RCAN2: variants seen among roughly 807,000 people sequenced by gnomAD.
RCAN2 encodes calcipressin-2.
In RCAN2, 9 loss-of-function variants were observed where a neutral mutation model predicts 23.6. The ratio of observed to expected loss-of-function variants is 0.38; its 90% confidence interval spans 0.23 to 0.67. RCAN2 has a LOEUF of 0.67. RCAN2 is among the 30% of genes least tolerant of loss of function. RCAN2 has a pLI of 0.51. For missense variants in RCAN2, 273 were observed against 302.3 expected (o/e 0.90, Z 0.72); for synonymous variants, 109 against 115.7 (o/e 0.94, Z 0.37).
chr6:46,305,758 G>A (rs1763043979), intron 2 of RCAN2, among the ~76,000 whole-genome samples: 1 of 151,936 alleles, frequency 6.6e-6, no homozygotes. Context: ...GCTGGAGGGG[G>A]ACCAAGACCA....
intron 2 of RCAN2, among the ~76,000 whole-genome samples, chr6:46,277,272 C>T (rs561006552): frequency 6.6e-6 from 1 of 152,292 alleles, no homozygotes; most frequent in South Asian, 2.1e-4. Context: ...TGTTAATTTT[C>T]CTATTAGGAA....
At chr6:46,267,088 T>C (rs1292749915) in intron 2 of RCAN2, among the ~76,000 whole-genome samples, 1 of 152,224 alleles carries the variant, frequency 6.6e-6, no homozygotes, top group Non-Finnish European at 1.5e-5. Context: ...AACCCAATTT[T>C]TTAATTTCAT....
chr6:46,223,042 C>A lies in RCAN2; in HGVS notation c.*99G>T. 3.0e-6 allele frequency: 4 copies of A among 1,320,284 alleles called. No homozygotes were observed. Among genetic ancestry groups the A allele is most frequent in the Non-Finnish European group, 4.2e-6 (4 of 944,378 alleles). The allele number at this position is 1,320,284 out of a possible 1,614,324, so 81.8% of individuals were successfully genotyped here. A position where few individuals can be genotyped will look rare whatever the true frequency, so the allele number is the denominator to read the frequency against. ...TAACAAGGAAGGAATCTCAAACAACCAAACACCCAGGAATTTAAAGGCAAT... is the reference window on the plus strand; with the variant it reads ...TAACAAGGAAGGAATCTCAAACAACAAAACACCCAGGAATTTAAAGGCAAT... On this transcript the variant is annotated 3_prime_UTR_variant, in exon 5 of 5. Transcript: ENST00000371374.
intron 2 of RCAN2, among the ~76,000 whole-genome samples, chr6:46,289,322 G>A (rs532744683): frequency 6.6e-6 from 1 of 152,270 alleles, no homozygotes; most frequent in Non-Finnish European, 1.5e-5. Context: ...CTTTTATTGA[G>A]GCAAAGAGTT....
chr6:46,301,311 T>G (rs776443998), intron 2 of RCAN2, among the ~76,000 whole-genome samples: 1 of 152,058 alleles, frequency 6.6e-6, no homozygotes, highest in Non-Finnish European at 1.5e-5. Flanking sequence ...CTGAGCCCTC[T>G]TAAGACAGCT....
intron 2 of RCAN2, among the ~76,000 whole-genome samples, chr6:46,258,734 G>T (rs1475862121): frequency 6.6e-6 from 1 of 152,058 alleles, no homozygotes; most frequent in Non-Finnish European, 1.5e-5. Flanking sequence ...GAATAACATT[G>T]CTATTCAAAA....
At chr6:46,483,847 A>C (rs1366540577) in intron 1 of RCAN2, among the ~76,000 whole-genome samples, 1 of 152,260 alleles carries the variant, frequency 6.6e-6, no homozygotes, top group East Asian at 1.9e-4. Context: ...GGACAAAAGT[A>C]ACCTATTCAC....
At chr6:46,430,743 TC>T (rs1275387025) in intron 2 of RCAN2, among the ~76,000 whole-genome samples, 1 of 152,204 alleles carries the variant, frequency 6.6e-6, no homozygotes, top group East Asian at 1.9e-4. Context: ...CAAATTGGTT[TC>T]TTCAAAGGTA....
At chr6:46,411,806 C>CA (rs372697819) in intron 2 of RCAN2, among the ~76,000 whole-genome samples, 8 of 151,604 alleles carry the variant, frequency 5.3e-5, no homozygotes, top group Non-Finnish European at 8.8e-5. Context: ...GTTCAAGAAA[C>CA]AAAAAAAATT....
intron 2 of RCAN2, among the ~76,000 whole-genome samples, chr6:46,270,450 G>A (rs532085231): frequency 6.6e-6 from 1 of 152,308 alleles, no homozygotes; most frequent in South Asian, 2.1e-4. Flanking sequence ...AGCTGGCATC[G>A]TGGAGAAGGT....
intron 2 of RCAN2, among the ~76,000 whole-genome samples, chr6:46,346,653 G>C (rs1026593618): frequency 6.6e-6 from 1 of 151,860 alleles, no homozygotes. Flanking sequence ...TATATAGTCA[G>C]ATCCTGTTAT....
chr6:46,319,775 T>C (rs564959078), intron 2 of RCAN2, among the ~76,000 whole-genome samples: 2 of 152,328 alleles, frequency 1.3e-5, no homozygotes, highest in Non-Finnish European at 2.9e-5. Flanking sequence ...CATTAATTCA[T>C]TTATTTCCAA....
At chr6:46,437,647 A>G (rs1385596777) in intron 2 of RCAN2, among the ~76,000 whole-genome samples, 1 of 152,246 alleles carries the variant, frequency 6.6e-6, no homozygotes, top group African/African-American at 2.4e-5. Flanking sequence ...GGAAAAACCT[A>G]GAAAGGCAGA....
chr6:46,442,972 G>T (rs1472231517), intron 2 of RCAN2, among the ~76,000 whole-genome samples: 2 of 152,088 alleles, frequency 1.3e-5, no homozygotes, highest in Non-Finnish European at 2.9e-5. Context: ...TCTGGCAGGT[G>T]CCCCCAAGTG....
intron 1 of RCAN2, among the ~76,000 whole-genome samples, chr6:46,482,031 G>A (rs2150447600): frequency 6.6e-6 from 1 of 151,996 alleles, no homozygotes; most frequent in African/African-American, 2.4e-5. Flanking sequence ...ATCACTCAAA[G>A]GACTGGCTGA....
At position 46,456,939 on chromosome 6, in the gene RCAN2, G is replaced by A. The variant is rs2150432875; in HGVS notation, c.38C>T (p.Pro13Leu). 6.4e-7 allele frequency: 1 copy of A among 1,550,792 alleles called. No homozygotes were observed. Among genetic ancestry groups the A allele is most frequent in the Non-Finnish European group, 8.7e-7 (1 of 1,146,972 alleles). Residue 13 changes from proline to leucine, a missense_variant, in exon 2 of 5, where the codon CCA (proline) becomes CTA (leucine). Transcript: ENST00000371374. ...TTCAGGGACGTGTCCCTGCTGCCCT[G>A]GGCTCCTCATTCCGATGAAGTATGA... is the stretch of plus-strand genomic sequence containing the variant. ...GESYFIGMRS[P>L]GQQGHVPEDG...
intron 2 of RCAN2, among the ~76,000 whole-genome samples, chr6:46,305,966 C>T (rs372986706): frequency 1.3e-5 from 2 of 150,192 alleles, no homozygotes; most frequent in African/African-American, 4.9e-5. Flanking sequence ...TGGCGTCAGT[C>T]CTGGTGAGCC....
intron 3 of RCAN2, among the ~76,000 whole-genome samples, chr6:46,247,812 T>C (rs1766572095): frequency 6.6e-6 from 1 of 152,222 alleles, no homozygotes; most frequent in South Asian, 2.1e-4. Flanking sequence ...GTTGTGAACG[T>C]GTGTGTACAT....
At chr6:46,308,453 G>A (rs1006946525) in intron 2 of RCAN2, among the ~76,000 whole-genome samples, 4 of 152,130 alleles carry the variant, frequency 2.6e-5, no homozygotes, top group Admixed American at 1.3e-4. Flanking sequence ...GGAGAGGAGA[G>A]GCAAATGTGG....
Sources: gnomAD v4.1 joint callset for allele counts (sites outside exome capture counted in the v4.1 genomes callset) on GRCh38, gnomAD v4.1.1 for gene constraint, MANE v1.5 for transcripts, NCBI Gene and HGNC (gene_info 2026-07-23, HGNC 2026-07-21) for gene names.